The following AUTS2 variants were observed in gnomAD, a reference collection of about 807,000 sequenced individuals.
AUTS2 encodes autism susceptibility gene 2 protein.
AUTS2 carries 17 observed loss-of-function variants against 112.4 expected under a neutral mutation model. That is an observed-to-expected ratio of 0.15 (90% CI 0.10 to 0.23). AUTS2 has a LOEUF of 0.23. Among genes scored for constraint, AUTS2 ranks in the 10% least tolerant of loss-of-function variants. The pLI is 1.00. For missense variants in AUTS2, 1,510 were observed against 1,701.6 expected (o/e 0.89, Z 1.98); for synonymous variants, 751 against 702.7 (o/e 1.07, Z -1.09).
At chr7:69,628,773 A>G (rs1480221293) in intron 1 of AUTS2, among the ~76,000 whole-genome samples, 4 of 152,168 alleles carry the variant, frequency 2.6e-5, no homozygotes, top group Non-Finnish European at 5.9e-5. Flanking sequence ...CCCAGGATCC[A>G]GTCACCTCCT....
intron 1 of AUTS2, among the ~76,000 whole-genome samples, chr7:69,763,733 A>G (rs1788293875): frequency 6.6e-6 from 1 of 152,194 alleles, no homozygotes; most frequent in African/African-American, 2.4e-5. Context: ...GAGTTAGTAA[A>G]CATGATGCCC....
intron 4 of AUTS2, among the ~76,000 whole-genome samples, chr7:70,338,012 A>C (rs1264362482): frequency 6.6e-6 from 1 of 152,254 alleles, no homozygotes; most frequent in Non-Finnish European, 1.5e-5. Flanking sequence ...TAAAGGGTTA[A>C]TATTATGCTT....
At chr7:69,834,083 C>T (rs1289689839) in intron 1 of AUTS2, among the ~76,000 whole-genome samples, 1 of 152,012 alleles carries the variant, frequency 6.6e-6, no homozygotes, top group Non-Finnish European at 1.5e-5. Context: ...TCTGGTAAGT[C>T]CTTTACACTT....
intron 1 of AUTS2, among the ~76,000 whole-genome samples, chr7:69,873,468 A>C (rs1487526801): frequency 6.7e-6 from 1 of 149,654 alleles, no homozygotes; most frequent in African/African-American, 2.5e-5. Context: ...GGTTGAGAAC[A>C]CTAGCTTATC....
At chr7:70,584,503 A>G (rs1802595677) in intron 5 of AUTS2, among the ~76,000 whole-genome samples, 2 of 152,188 alleles carry the variant, frequency 1.3e-5, no homozygotes, top group South Asian at 4.1e-4. Context: ...GGTCAATTGC[A>G]ATTTGGGAGG....
At chr7:69,845,532 C>G (rs1792158437) in intron 1 of AUTS2, among the ~76,000 whole-genome samples, 1 of 152,136 alleles carries the variant, frequency 6.6e-6, no homozygotes, top group Non-Finnish European at 1.5e-5. Flanking sequence ...TGCATGTCTT[C>G]CCTGGACTTT....
At chr7:70,771,267 T>C (rs1050022509) in intron 10 of AUTS2, 5 of 233,608 alleles carry the variant, frequency 2.1e-5, no homozygotes, top group Middle Eastern at 2.5e-3. Flanking sequence ...TTAGGACTTC[T>C]ATCTGATTTA....
intron 5 of AUTS2, among the ~76,000 whole-genome samples, chr7:70,591,557 C>G (rs980654848): frequency 6.6e-6 from 1 of 152,160 alleles, no homozygotes; most frequent in African/African-American, 2.4e-5. Context: ...GCCATCACGC[C>G]TGACTAACTT....
intron 1 of AUTS2, among the ~76,000 whole-genome samples, chr7:69,616,595 A>C (rs1028745289): frequency 2.0e-5 from 3 of 152,208 alleles, no homozygotes; most frequent in African/African-American, 7.2e-5. Flanking sequence ...GTATGATTTG[A>C]ATTTTCAGGG....
intron 13 of AUTS2, among the ~76,000 whole-genome samples, chr7:70,775,806 C>G (rs534519566): frequency 6.6e-6 from 1 of 152,284 alleles, no homozygotes; most frequent in East Asian, 1.9e-4. Context: ...GCCGTTTGAC[C>G]TCCTTTTAAG....
intron 1 of AUTS2, among the ~76,000 whole-genome samples, chr7:69,673,648 C>T (rs897406754): frequency 6.6e-6 from 1 of 152,146 alleles, no homozygotes; most frequent in Non-Finnish European, 1.5e-5. Flanking sequence ...TAGAATCAGG[C>T]TATATTTGTG....
At chr7:70,003,330 A>G (rs1225887447) in intron 2 of AUTS2, among the ~76,000 whole-genome samples, 1 of 131,034 alleles carries the variant, frequency 7.6e-6, no homozygotes, top group Non-Finnish European at 1.5e-5. Context: ...TAACATATGA[A>G]TATATAATAT....
chr7:69,866,807 G>A (rs1024179946), intron 1 of AUTS2, among the ~76,000 whole-genome samples: 5 of 152,134 alleles, frequency 3.3e-5, no homozygotes, highest in Admixed American at 1.3e-4. Flanking sequence ...CCTTCCCGGG[G>A]ATTTTCTAGC....
At chr7:70,625,884 CTT>C (rs1404502616) in intron 5 of AUTS2, among the ~76,000 whole-genome samples, 1 of 151,936 alleles carries the variant, frequency 6.6e-6, no homozygotes, top group Non-Finnish European at 1.5e-5. Flanking sequence ...ATCTGAAGAC[CTT>C]TTTTTATTTT....
intron 1 of AUTS2, among the ~76,000 whole-genome samples, chr7:69,777,725 C>T (rs892816165): frequency 7.9e-5 from 12 of 151,994 alleles, no homozygotes; most frequent in Non-Finnish European, 1.8e-4. Context: ...ATTAGGCTTC[C>T]GAGAAAACTT....
chr7:70,395,400 A>G (rs1411308616), intron 4 of AUTS2, among the ~76,000 whole-genome samples: 1 of 152,194 alleles, frequency 6.6e-6, no homozygotes, highest in Non-Finnish European at 1.5e-5. Context: ...CTTGAACCCA[A>G]ATGTGTTTGT....
chr7:70,712,230 A>C (rs898068891), intron 6 of AUTS2, among the ~76,000 whole-genome samples: 2 of 83,852 alleles, frequency 2.4e-5, no homozygotes, highest in African/African-American at 5.6e-5. Flanking sequence ...TTTTTTTTGC[A>C]GAGACAGGGT....
At chr7:69,634,670 A>G (rs772000474) in intron 1 of AUTS2, among the ~76,000 whole-genome samples, 93 of 152,320 alleles carry the variant, frequency 6.1e-4, no homozygotes, top group Admixed American at 2.4e-3. Flanking sequence ...GAGGTGGCTT[A>G]GGGTAATATG....
intron 1 of AUTS2, among the ~76,000 whole-genome samples, chr7:69,769,107 C>A (rs970697068): frequency 6.6e-6 from 1 of 152,218 alleles, no homozygotes; most frequent in African/African-American, 2.4e-5. Flanking sequence ...CTGATAATTT[C>A]ATTGAACCAT....
Sources: gnomAD v4.1 joint callset for allele counts (sites outside exome capture counted in the v4.1 genomes callset) on GRCh38, gnomAD v4.1.1 for gene constraint, MANE v1.5 for transcripts, NCBI Gene and HGNC (gene_info 2026-07-23, HGNC 2026-07-21) for gene names.